The following KANSL1 variants were observed in gnomAD, a reference collection of about 807,000 sequenced individuals.
KANSL1 encodes the protein MLL1/MLL complex subunit KANSL1.
In KANSL1, 22 loss-of-function variants were observed where a neutral mutation model predicts 103.6. The ratio of observed to expected loss-of-function variants is 0.21; its 90% CI spans 0.15 to 0.30. The LOEUF is 0.30. Ranked by LOEUF, KANSL1 falls within the 10% of genes least tolerant of loss-of-function variation. KANSL1 has a pLI of 1.00. For synonymous variants in KANSL1, 600 were observed against 527.6 expected, an observed-to-expected ratio of 1.14 and a Z score of -1.88; for missense variants, 1,337 against 1,399.8, an observed-to-expected ratio of 0.96 and a Z score of 0.72.
intron 2 of KANSL1, among the ~76,000 whole-genome samples, chr17:46,111,287 T>C (rs757798825): frequency 2.0e-5 from 3 of 149,402 alleles, no homozygotes; most frequent in Non-Finnish European, 4.5e-5. Context: ...CTCGGCTTAC[T>C]GCAACCTCCG....
chr17:46,045,742 G>A (rs944324626), intron 7 of KANSL1: 7 of 152,318 alleles, frequency 4.6e-5, no homozygotes, highest in African/African-American at 1.7e-4. Flanking sequence ...CAGCAGGACA[G>A]AAAATGTTCA....
At chr17:46,081,597 C>T (rs1177355517) in intron 4 of KANSL1, among the ~76,000 whole-genome samples, 1 of 152,150 alleles carries the variant, frequency 6.6e-6, no homozygotes, top group Non-Finnish European at 1.5e-5. Flanking sequence ...CAATATCTGC[C>T]TCAGAGAAAA....
intron 6 of KANSL1, among the ~76,000 whole-genome samples, chr17:46,058,461 G>A (rs17575556): frequency 0.14 from 21,818 of 152,288 alleles, 2,136 homozygotes; most frequent in Non-Finnish European, 0.22. Flanking sequence ...TTTAAAGGAA[G>A]ATGGCACAAT....
rs34473927 is a variant in KANSL1 at position 46,052,964 on chromosome 17, C to CAAAAAAAAAAAAA, written c.1849-2273_1849-2261dup. Among the ~76,000 whole-genome samples, 7 of 32,998 alleles carry CAAAAAAAAAAAAA rather than the reference C, an allele frequency of 2.1e-4. 1 individual carries two copies. The highest frequency in any genetic ancestry group is 3.9e-4 in the Admixed American group (1 of 2,564). The allele number at this position is 32,998 out of a possible 152,430, so 21.6% of individuals were successfully genotyped here. ...GGGAAAAAGAGTAAGATCCTGTCTC[C>CAAAAAAAAAAAAA]AAAAAAAAAAAAAAAAAAAAAAAAA... On this transcript the variant is annotated intron_variant, in intron 6 of 14. Coordinates refer to ENST00000432791, the MANE Select transcript of KANSL1 (RefSeq NM_015443.4).
chr17:46,098,978 G>C (rs1476768059), intron 2 of KANSL1, among the ~76,000 whole-genome samples: 2 of 152,216 alleles, frequency 1.3e-5, no homozygotes, highest in Non-Finnish European at 2.9e-5. Context: ...GCAGAGCAGA[G>C]CACCACTAAA....
At chr17:46,068,780 A>G (rs772061586) in intron 4 of KANSL1, among the ~76,000 whole-genome samples, 2 of 152,214 alleles carry the variant, frequency 1.3e-5, no homozygotes, top group African/African-American at 2.4e-5. Flanking sequence ...AACAAATTAT[A>G]TATTTACTAG....
chr17:46,099,931 G>GT (rs1485563394), intron 2 of KANSL1, among the ~76,000 whole-genome samples: 1 of 147,704 alleles, frequency 6.8e-6, no homozygotes, highest in African/African-American at 2.4e-5. Flanking sequence ...CCTAAATGCA[G>GT]TATCAATATT....
chr17:46,057,554 A>G (rs749780268), intron 6 of KANSL1, among the ~76,000 whole-genome samples: 3 of 152,142 alleles, frequency 2.0e-5, no homozygotes, highest in Non-Finnish European at 2.9e-5. Context: ...GGTTGATAAC[A>G]AACAGTTTAG....
At chr17:46,176,761 C>T (rs1000737598) in intron 1 of KANSL1, among the ~76,000 whole-genome samples, 1 of 151,662 alleles carries the variant, frequency 6.6e-6, no homozygotes, top group Non-Finnish European at 1.5e-5. Context: ...TTGACATTAA[C>T]ATATACACTT....
At chr17:46,084,378 TC>T (rs2079086138) in intron 3 of KANSL1, among the ~76,000 whole-genome samples, 1 of 142,958 alleles carries the variant, frequency 7.0e-6, no homozygotes, top group African/African-American at 2.5e-5. Context: ...CAAGGCTCTA[TC>T]TCCAACAACA....
At chr17:46,095,605 A>AT (rs2042026446) in intron 2 of KANSL1, among the ~76,000 whole-genome samples, 1 of 152,244 alleles carries the variant, frequency 6.6e-6, no homozygotes, top group Non-Finnish European at 1.5e-5. Context: ...AAATTTTGGC[A>AT]TTTCAAATTG....
intron 2 of KANSL1, among the ~76,000 whole-genome samples, chr17:46,116,027 T>C (rs923623781): frequency 5.9e-5 from 9 of 152,240 alleles, no homozygotes; most frequent in South Asian, 2.1e-4. Context: ...TGTTACTAAC[T>C]ATAGAATCAT....
chr17:46,100,890 G>A (rs1424093762), intron 2 of KANSL1, among the ~76,000 whole-genome samples: 1 of 152,214 alleles, frequency 6.6e-6, no homozygotes, highest in African/African-American at 2.4e-5. Context: ...CTTTGATTCT[G>A]ATTTCAGTCC....
chr17:46,030,599 AAAAAATCACAC>A lies in KANSL1; in HGVS notation c.*866_*876del, dbSNP rs1598438295. On this transcript the variant is annotated 3_prime_UTR_variant, in exon 15 of 15. Transcript: ENST00000432791. ...CAAAGTGAATCAGAGGGAAAAAAAA[AAAAAATCACAC>A]AGGGAGATGGCTGCTCACTTCCCAC... is the stretch of plus-strand genomic sequence containing the variant. 6.6e-6 allele frequency: 1 copy of A among 152,208 alleles called. No homozygotes were observed. Among genetic ancestry groups the A allele is most frequent in the African/African-American group, 2.4e-5 (1 of 41,526 alleles). The allele number at this position is 152,208 out of a possible 1,614,324, so 9.4% of individuals were successfully genotyped here. A position where few individuals can be genotyped will look rare whatever the true frequency, so the allele number is the denominator to read the frequency against.
At chr17:46,190,852 AC>A (rs1333947658) in intron 1 of KANSL1, among the ~76,000 whole-genome samples, 1 of 152,234 alleles carries the variant, frequency 6.6e-6, no homozygotes, top group African/African-American at 2.4e-5. Flanking sequence ...CATTTATAAT[AC>A]ATTTTTTAAA....
chr17:46,153,506 G>A (rs2045241162), intron 2 of KANSL1, among the ~76,000 whole-genome samples: 1 of 152,184 alleles, frequency 6.6e-6, no homozygotes. Flanking sequence ...AGAACAGCAT[G>A]GGATACAAAA....
chr17:46,033,292 G>A (rs1363775327), intron 12 of KANSL1, 100 bp from the exon 13 acceptor site: 10 of 1,430,856 alleles, frequency 7.0e-6, no homozygotes, highest in African/African-American at 1.4e-5. Context: ...GGAATACAAG[G>A]AGCTTGCACT....
intron 2 of KANSL1, among the ~76,000 whole-genome samples, chr17:46,108,225 C>G (rs1567683298): frequency 6.6e-6 from 1 of 152,220 alleles, no homozygotes; most frequent in African/African-American, 2.4e-5. Flanking sequence ...ATCACCCAAT[C>G]CCTGCTACCT....
chr17:46,040,943 TCAG>T (rs1295598155), intron 7 of KANSL1: 1 of 152,242 alleles, frequency 6.6e-6, no homozygotes, highest in Non-Finnish European at 1.5e-5. Context: ...TTTGCAGGGT[TCAG>T]AAGAAGACAG....
Sources: gnomAD v4.1 joint callset for allele counts (sites outside exome capture counted in the v4.1 genomes callset) on GRCh38, gnomAD v4.1.1 for gene constraint, MANE v1.5 for transcripts, NCBI Gene and HGNC (gene_info 2026-07-23, HGNC 2026-07-21) for gene names.